The following HLCS variants were observed in gnomAD, a reference collection of about 807,000 sequenced individuals.
HLCS encodes biotin--protein ligase.
A neutral mutation model predicts 75.0 loss-of-function variants in HLCS; 53 were observed. That is an observed-to-expected ratio of 0.71 (90% confidence interval 0.57 to 0.89). The LOEUF is 0.89. Among genes scored for constraint, HLCS ranks in the 40% least tolerant of loss-of-function variants. The pLI is 0.00. For synonymous variants in HLCS, 431 were observed against 428.6 expected, an observed-to-expected ratio of 1.01 and a Z score of -0.07; for missense variants, 966 against 1,074.0, an observed-to-expected ratio of 0.90 and a Z score of 1.41.
At chr21:36,949,030 C>T (rs150974744) in intron 2 of HLCS, among the ~76,000 whole-genome samples, 52 of 152,256 alleles carry the variant, frequency 3.4e-4, no homozygotes, top group Non-Finnish European at 4.9e-4. Context: ...GATACACCGC[C>T]GAGGCCTGCT....
intron 6 of HLCS, among the ~76,000 whole-genome samples, chr21:36,868,790 A>G (rs969184327): frequency 6.6e-6 from 1 of 152,166 alleles, no homozygotes; most frequent in Non-Finnish European, 1.5e-5. Flanking sequence ...CCAGGCTACC[A>G]TGTGAGTGTG....
In HLCS at chr21:36,756,709, G is replaced by A. The variant is rs138387445; in HGVS notation, c.2283C>T (p.Asn761=). Residue 761 remains asparagine, a synonymous_variant, in exon 10 of 11, where the codon AAC becomes AAT. Coordinates refer to ENST00000674895, the MANE Select transcript of HLCS (RefSeq NM_001352514.2). Reference sequence around the variant, plus strand: ...GTTTATTGTATTCTGTGATGAGGTCGTTGATGCAGATGGTAGGGTTACTGT... The same window carrying A: ...GTTTATTGTATTCTGTGATGAGGTCATTGATGCAGATGGTAGGGTTACTGT... ...VTNSNPTICI[N]DLITEYNKQH... is the part of the protein sequence containing the mutation. 60 of 1,614,014 alleles carry A rather than the reference G, an allele frequency of 3.7e-5. No homozygotes were observed. The highest frequency in any genetic ancestry group is 2.5e-4 in the African/African-American group (19 of 74,908).
chr21:36,887,548 T>C (rs1166602778), intron 6 of HLCS, among the ~76,000 whole-genome samples: 1 of 152,190 alleles, frequency 6.6e-6, no homozygotes, highest in African/African-American at 2.4e-5. Flanking sequence ...GGTTAACTTA[T>C]TCAGGTGTTG....
At chr21:36,775,392 C>T (rs2060326085) in intron 6 of HLCS, among the ~76,000 whole-genome samples, 1 of 152,240 alleles carries the variant, frequency 6.6e-6, no homozygotes, top group Admixed American at 6.5e-5. Context: ...CCTGACACTT[C>T]ACCATAAATA....
At chr21:36,923,464 G>C (rs1046729732) in intron 5 of HLCS, among the ~76,000 whole-genome samples, 1 of 152,200 alleles carries the variant, frequency 6.6e-6, no homozygotes, top group Non-Finnish European at 1.5e-5. Flanking sequence ...GAGCGGGAAT[G>C]TTCCCTCGGC....
intron 1 of HLCS, among the ~76,000 whole-genome samples, chr21:36,980,211 T>A (rs1260369089): frequency 1.8e-3 from 214 of 117,288 alleles, no homozygotes; most frequent in African/African-American, 5.6e-3. Context: ...AAAAAAAAAA[T>A]AGGAAGAAAC....
intron 6 of HLCS, among the ~76,000 whole-genome samples, chr21:36,769,484 A>C (rs1174279672): frequency 6.6e-6 from 1 of 152,240 alleles, no homozygotes; most frequent in Non-Finnish European, 1.5e-5. Flanking sequence ...ATGTCCTTAC[A>C]AAAAGAAAAA....
intron 6 of HLCS, among the ~76,000 whole-genome samples, chr21:36,828,396 AAT>A (rs1253900506): frequency 3.3e-5 from 5 of 152,098 alleles, no homozygotes; most frequent in African/African-American, 9.7e-5. Flanking sequence ...TGAATGAATG[AAT>A]GAATGAGTGA....
chr21:36,784,770 A>G (rs914000007), intron 6 of HLCS, among the ~76,000 whole-genome samples: 6 of 151,906 alleles, frequency 3.9e-5, no homozygotes, highest in African/African-American at 1.2e-4. Flanking sequence ...GTCACCTTAC[A>G]TTTTCTAAAA....
At chr21:36,802,410 G>A (rs1170754221) in intron 6 of HLCS, among the ~76,000 whole-genome samples, 1 of 152,208 alleles carries the variant, frequency 6.6e-6, no homozygotes, top group Non-Finnish European at 1.5e-5. Context: ...TGTTTTCTGT[G>A]TCATAAACAT....
chr21:36,909,090 G>A (rs2065589468), intron 5 of HLCS, among the ~76,000 whole-genome samples: 1 of 152,122 alleles, frequency 6.6e-6, no homozygotes, highest in Non-Finnish European at 1.5e-5. Context: ...CAGCTACTGA[G>A]GGAGACTGAG....
intron 6 of HLCS, among the ~76,000 whole-genome samples, chr21:36,819,650 T>C (rs993822537): frequency 2.0e-5 from 3 of 152,070 alleles, no homozygotes; most frequent in African/African-American, 7.2e-5. Flanking sequence ...TCACAATCCT[T>C]TGGGCAGGTG....
At chr21:36,876,939 A>G (rs2064003744) in intron 6 of HLCS, among the ~76,000 whole-genome samples, 1 of 152,194 alleles carries the variant, frequency 6.6e-6, no homozygotes, top group African/African-American at 2.4e-5. Context: ...GTTATTAGGT[A>G]AATACACATC....
chr21:36,934,283 A>G (rs1320370967), intron 4 of HLCS, among the ~76,000 whole-genome samples: 1 of 152,212 alleles, frequency 6.6e-6, no homozygotes, highest in Non-Finnish European at 1.5e-5. Flanking sequence ...AGAGGGTGAT[A>G]CTGGCATCCA....
rs1244432443 is a variant in HLCS at position 36,936,577 on chromosome 21, T to G, written c.1309A>C (p.Arg437=). ...AGCCGGACGGGGCCTTCCTGGTACC[T>G]GCAGCCACTGCTCAAGACGCTGAGC... ...VKLSVLSSGC[R]YQEGPVRLSP... The change falls in exon 4 of 11, where the codon AGG becomes CGG. Residue 437 remains arginine (R), a synonymous_variant. Coordinates refer to ENST00000674895, the MANE Select transcript of HLCS (RefSeq NM_001352514.2). The G allele has an allele frequency of 6.2e-7, 1 of 1,614,102 alleles. No individual in the cohort carries two copies. Among genetic ancestry groups the G allele is most frequent in the Non-Finnish European group, 8.5e-7 (1 of 1,180,034 alleles).
At chr21:36,814,064 T>C (rs1029248) in intron 6 of HLCS, among the ~76,000 whole-genome samples, 1,752 of 152,272 alleles carry the variant, frequency 0.012, 27 homozygotes, top group African/African-American at 0.04. Context: ...GCTTAATTCA[T>C]GTGGTGGTCT....
intron 5 of HLCS, among the ~76,000 whole-genome samples, chr21:36,916,848 G>A (rs1276814229): frequency 1.3e-5 from 2 of 151,932 alleles, no homozygotes; most frequent in African/African-American, 2.4e-5. Context: ...AATACTCCCC[G>A]GGCCAAGTAG....
chr21:36,810,409 T>C (rs191685779), intron 6 of HLCS, among the ~76,000 whole-genome samples: 27 of 152,240 alleles, frequency 1.8e-4, no homozygotes, highest in African/African-American at 6.5e-4. Context: ...TAAACAGAAT[T>C]TGGGGATCCC....
intron 5 of HLCS, among the ~76,000 whole-genome samples, chr21:36,928,540 A>T (rs1420745529): frequency 3.3e-5 from 5 of 152,216 alleles, no homozygotes; most frequent in Non-Finnish European, 7.3e-5. Context: ...ACTACACTCC[A>T]GCCTGGGCAA....
Sources: gnomAD v4.1 joint callset for allele counts (sites outside exome capture counted in the v4.1 genomes callset) on GRCh38, gnomAD v4.1.1 for gene constraint, MANE v1.5 for transcripts, NCBI Gene and HGNC (gene_info 2026-07-23, HGNC 2026-07-21) for gene names.